The following PIK3R1 variants were observed in gnomAD, a reference collection of about 807,000 sequenced individuals.
The protein encoded by PIK3R1 is phosphatidylinositol 3-kinase regulatory subunit alpha.
Under a neutral mutation model 98.0 loss-of-function variants are expected in PIK3R1, and 29 were observed. That is an observed-to-expected ratio of 0.30 (90% CI 0.22 to 0.40). The LOEUF is 0.40. Ranked by LOEUF, PIK3R1 falls within the 10% of genes least tolerant of loss-of-function variation. The pLI is 1.00. For missense variants in PIK3R1, 596 were observed against 872.7 expected (o/e 0.68, Z 3.99); for synonymous variants, 282 against 311.8 (o/e 0.90, Z 1.01).
chr5:68,281,037 CATT>C, intron 7 of PIK3R1, 31 bp downstream of exon 7: 1 of 1,451,308 alleles, frequency 6.9e-7, no homozygotes, highest in Non-Finnish European at 9.5e-7. Flanking sequence ...AACATTCTCT[CATT>C]GTTCATTTTT....
Position 68,280,637 on chromosome 5 carries a change from C to G in PIK3R1, c.744C>G (p.Phe248Leu). ...TTCAGTATTTGTTAAAACATTTCTT[C>G]AAGCTCTCTCAAACCTCCAGCAAAA... is the stretch of plus-strand genomic sequence containing the variant. ...LTLQYLLKHF[F>L]KLSQTSSKNL... Residue 248 changes from phenylalanine (F) to leucine (L), a missense_variant, in exon 6 of 16, where the codon TTC (phenylalanine) becomes TTG (leucine). This residue lies in a region of PIK3R1 where 352 missense variants were observed against 393.3 expected (regional missense o/e 0.90). Transcript: ENST00000521381. 1 of 1,613,872 alleles carries G rather than the reference C, an allele frequency of 6.2e-7. No homozygotes were observed. The highest frequency in any genetic ancestry group is 8.5e-7 in the Non-Finnish European group (1 of 1,179,844).
At chr5:68,288,709 C>T in intron 7 of PIK3R1, 1 of 1,613,026 alleles carries the variant, frequency 6.2e-7, no homozygotes, top group Non-Finnish European at 8.5e-7. Context: ...TTGTCGGATA[C>T]AGGCATTTCA....
chr5:68,217,173 A>G (rs959051048), intron 1 of PIK3R1, among the ~76,000 whole-genome samples: 23 of 152,274 alleles, frequency 1.5e-4, no homozygotes, highest in African/African-American at 5.5e-4. Flanking sequence ...AATGCAACAT[A>G]AGATTGTCAT....
intron 2 of PIK3R1, among the ~76,000 whole-genome samples, chr5:68,243,205 ACATAT>A: frequency 2.7e-4 from 1 of 3,682 alleles, no homozygotes; most frequent in Admixed American, 1.0e-3. Flanking sequence ...TGTATGTTTC[ACATAT>A]GTTCTTGGTA....
At chr5:68,295,078 CT>C in intron 12 of PIK3R1, 69 bp from the exon 13 acceptor site, 1 of 1,298,502 alleles carries the variant, frequency 7.7e-7, no homozygotes, top group Non-Finnish European at 1.0e-6. Flanking sequence ...CATAGTGAAA[CT>C]TTTCATAAAC....
At chr5:68,256,769 A>G (rs1308950091) in intron 2 of PIK3R1, among the ~76,000 whole-genome samples, 1 of 152,154 alleles carries the variant, frequency 6.6e-6, no homozygotes, top group South Asian at 2.1e-4. Flanking sequence ...CTGGGTTAAA[A>G]AAAAAAAAGT....
intron 1 of PIK3R1, among the ~76,000 whole-genome samples, chr5:68,216,423 G>C (rs936788557): frequency 2.0e-5 from 3 of 152,194 alleles, no homozygotes; most frequent in Non-Finnish European, 4.4e-5. Flanking sequence ...GCTGCAGCCA[G>C]GGTCGCTGCC....
chr5:68,235,661 A>G (rs1224050182), intron 2 of PIK3R1, among the ~76,000 whole-genome samples: 1 of 152,000 alleles, frequency 6.6e-6, no homozygotes, highest in Non-Finnish European at 1.5e-5. Flanking sequence ...TGAAGAAGTT[A>G]GAACAAGATG....
intron 1 of PIK3R1, among the ~76,000 whole-genome samples, chr5:68,220,686 A>G (rs910985164): frequency 2.0e-5 from 3 of 152,212 alleles, no homozygotes; most frequent in Admixed American, 6.5e-5. Flanking sequence ...TACAGCCTAT[A>G]CAGCCTGTTT....
At chr5:68,283,725 A>G (rs549919871) in intron 7 of PIK3R1, among the ~76,000 whole-genome samples, 2 of 152,324 alleles carry the variant, frequency 1.3e-5, no homozygotes, top group South Asian at 2.1e-4. Flanking sequence ...AGGCCCACAG[A>G]TAGAGGTTCG....
chr5:68,281,359 A>G (rs1240023578), intron 7 of PIK3R1, among the ~76,000 whole-genome samples: 1 of 152,214 alleles, frequency 6.6e-6, no homozygotes, highest in African/African-American at 2.4e-5. Context: ...TAGGGGATTT[A>G]TAATTACTAT....
intron 10 of PIK3R1, 113 bp downstream of exon 10, chr5:68,293,596 C>A: frequency 1.7e-6 from 2 of 1,163,478 alleles, no homozygotes; most frequent in South Asian, 1.5e-5. Flanking sequence ...AAAAACTTGA[C>A]ACTCGTAATT....
rs114380221 is a variant in PIK3R1 at position 68,281,864 on chromosome 5, A to T, written c.916+858A>T. 9.5e-3 allele frequency among the ~76,000 whole-genome samples: 1,447 copies of T among 152,262 alleles called. 28 individuals are homozygous for T. The highest frequency in any genetic ancestry group is 0.033 in the African/African-American group (1,380 of 41,544). ...GGGGACTCAGTTTCATCTTCATGCAATGGAGAGTTAAGTTGTGCTTTTTCT... is the reference window on the plus strand; with the variant it reads ...GGGGACTCAGTTTCATCTTCATGCATTGGAGAGTTAAGTTGTGCTTTTTCT... On this transcript the variant is annotated intron_variant, in intron 7 of 15. Coordinates refer to ENST00000521381, the MANE Select transcript of PIK3R1 (RefSeq NM_181523.3).
At chr5:68,288,265 C>A in intron 7 of PIK3R1, 1 of 279,180 alleles carries the variant, frequency 3.6e-6, no homozygotes, top group Non-Finnish European at 5.8e-6. Context: ...TTGCATTGGC[C>A]ACTTGTCAGC....
In PIK3R1 at chr5:68,228,880, C is replaced by T. The variant is rs1235960765; in HGVS notation, c.334+1871C>T. On this transcript the variant is annotated intron_variant, in intron 2 of 15. Coordinates refer to ENST00000521381, the MANE Select transcript of PIK3R1 (RefSeq NM_181523.3). Reference sequence around the variant, plus strand: ...TGGTGTACAGAAAAGCAAGTCTTTCCTTATAGGAAAAGTCATTTTCTCTTT... The same window carrying T: ...TGGTGTACAGAAAAGCAAGTCTTTCTTTATAGGAAAAGTCATTTTCTCTTT... 2.0e-5 allele frequency among the ~76,000 whole-genome samples: 3 copies of T among 152,244 alleles called. No individual in the cohort carries two copies. The East Asian group carries it at 5.8e-4, about 29-fold the overall frequency.
At chr5:68,270,254 T>C (rs1036240207) in intron 2 of PIK3R1, among the ~76,000 whole-genome samples, 9 of 152,146 alleles carry the variant, frequency 5.9e-5, no homozygotes, top group African/African-American at 1.9e-4. Context: ...GAAAAAACAT[T>C]GAAAAGACAA....
chr5:68,268,420 A>G (rs1390281261), intron 2 of PIK3R1, among the ~76,000 whole-genome samples: 1 of 152,218 alleles, frequency 6.6e-6, no homozygotes, highest in Non-Finnish European at 1.5e-5. Context: ...TTACAAGCAT[A>G]AAGTATGAAT....
At chr5:68,256,144 T>C (rs1302009237) in intron 2 of PIK3R1, among the ~76,000 whole-genome samples, 1 of 152,264 alleles carries the variant, frequency 6.6e-6, no homozygotes, top group East Asian at 1.9e-4. Flanking sequence ...TGGTTATTAA[T>C]CTGAGTCTTT....
At chr5:68,274,234 G>A (rs1580235765) in intron 4 of PIK3R1, among the ~76,000 whole-genome samples, 1 of 152,192 alleles carries the variant, frequency 6.6e-6, no homozygotes, top group Non-Finnish European at 1.5e-5. Context: ...CCTCCCTGCA[G>A]GCATGTTGGT....
Sources: gnomAD v4.1 joint callset for allele counts (sites outside exome capture counted in the v4.1 genomes callset) on GRCh38, gnomAD v4.1.1 for gene constraint, gnomAD v4.1.1 regional missense constraint, MANE v1.5 for transcripts, NCBI Gene and HGNC (gene_info 2026-07-23, HGNC 2026-07-21) for gene names.